CUBN: variants seen among roughly 807,000 people sequenced by gnomAD.
CUBN encodes the protein 460 kDa receptor.
In CUBN, 282 loss-of-function variants were observed where a neutral mutation model predicts 405.3. The observed-to-expected ratio is 0.70, with a 90% CI of 0.63 to 0.77. The LOEUF (loss-of-function observed/expected upper bound fraction) is 0.77. Ranked by LOEUF, CUBN falls within the 30% of genes least tolerant of loss-of-function variation. The pLI is 0.00. For missense variants in CUBN, 4,514 were observed against 4,475.2 expected (o/e 1.01, Z -0.25); for synonymous variants, 1,684 against 1,617.0 (o/e 1.04, Z -0.99).
chr10:17,056,374 G>A (rs904488422), intron 22 of CUBN, among the ~76,000 whole-genome samples: 2 of 152,112 alleles, frequency 1.3e-5, no homozygotes, highest in East Asian at 3.8e-4. Flanking sequence ...ACTTTGGGAA[G>A]ACGAGGCGGG....
chr10:17,090,432 A>C (rs1836229706), intron 14 of CUBN, among the ~76,000 whole-genome samples: 1 of 152,086 alleles, frequency 6.6e-6, no homozygotes. Flanking sequence ...GACCTCTCAT[A>C]ATCTACCATG....
intron 27 of CUBN, among the ~76,000 whole-genome samples, chr10:17,028,592 G>T (rs1001876169): frequency 6.6e-6 from 1 of 151,746 alleles, no homozygotes; most frequent in African/African-American, 2.4e-5. Flanking sequence ...GTGGTGGTGG[G>T]CGCATGTAAT....
intron 28 of CUBN, among the ~76,000 whole-genome samples, chr10:17,008,461 T>C (rs1005961650): frequency 2.6e-4 from 38 of 147,632 alleles, no homozygotes; most frequent in Middle Eastern, 3.5e-3. Context: ...TGTGTGTGTG[T>C]GTGCGCGCTT....
At chr10:17,053,836 T>C (rs1314065707) in intron 22 of CUBN, among the ~76,000 whole-genome samples, 1 of 152,118 alleles carries the variant, frequency 6.6e-6, no homozygotes, top group Non-Finnish European at 1.5e-5. Flanking sequence ...CAATTCTCCA[T>C]AAATTTTAAA....
chr10:16,829,298 C>A (rs1057264446), intron 65 of CUBN, among the ~76,000 whole-genome samples: 1 of 150,056 alleles, frequency 6.7e-6, no homozygotes, highest in South Asian at 2.1e-4. Context: ...GGGATAACTT[C>A]CTCCAGGACT....
At chr10:17,080,410 A>G (rs1835942218) in intron 17 of CUBN, among the ~76,000 whole-genome samples, 1 of 152,168 alleles carries the variant, frequency 6.6e-6, no homozygotes, top group South Asian at 2.1e-4. Flanking sequence ...ATTCAATGTA[A>G]ATTACTCCTT....
intron 40 of CUBN, among the ~76,000 whole-genome samples, chr10:16,928,801 G>A (rs1842284328): frequency 6.6e-6 from 1 of 151,962 alleles, no homozygotes. Flanking sequence ...AAAGTGCTGG[G>A]TTCTTTACCC....
chr10:17,036,847 C>G (rs1441111805), intron 27 of CUBN, among the ~76,000 whole-genome samples: 1 of 152,154 alleles, frequency 6.6e-6, no homozygotes, highest in African/African-American at 2.4e-5. Flanking sequence ...TTGGGGGCAG[C>G]AGGAACACTT....
At chr10:16,987,803 A>T (rs993433565) in intron 29 of CUBN, among the ~76,000 whole-genome samples, 4 of 152,206 alleles carry the variant, frequency 2.6e-5, no homozygotes, top group African/African-American at 9.6e-5. Flanking sequence ...CCAAATGAAC[A>T]TTTGCAGAAA....
intron 28 of CUBN, among the ~76,000 whole-genome samples, chr10:16,994,186 A>G (rs757860101): frequency 6.6e-6 from 1 of 152,184 alleles, no homozygotes; most frequent in South Asian, 2.1e-4. Context: ...AATTCCATTT[A>G]TTTATTCCTT....
intron 31 of CUBN, among the ~76,000 whole-genome samples, chr10:16,961,827 T>C (rs1843231270): frequency 6.8e-6 from 1 of 146,662 alleles, no homozygotes; most frequent in South Asian, 2.3e-4. Flanking sequence ...TTCTCCTGCC[T>C]CAGCCTCCTG....
chr10:17,102,566 C>T lies in CUBN; in HGVS notation c.1530+559G>A, dbSNP rs569413584. On this transcript the variant is annotated intron_variant, in intron 13 of 66. Transcript: ENST00000377833. ...CCTCATAAAGTACTAGGATCACAGGCGTGAGCCACCAGGCCTGGCCTTGTT... is the reference window on the plus strand; with the variant it reads ...CCTCATAAAGTACTAGGATCACAGGTGTGAGCCACCAGGCCTGGCCTTGTT... Among the ~76,000 whole-genome samples, 26 of 145,258 alleles carry T rather than the reference C, an allele frequency of 1.8e-4. No individual in the cohort carries two copies. In the East Asian group the frequency reaches 2.2e-3, roughly 12 times the overall value.
intron 53 of CUBN, among the ~76,000 whole-genome samples, chr10:16,899,535 A>G (rs1267350142): frequency 6.6e-6 from 1 of 152,152 alleles, no homozygotes; most frequent in Non-Finnish European, 1.5e-5. Flanking sequence ...TAAGTTCTGT[A>G]TTTTATTACC....
chr10:17,077,445 G>A (rs188627708), intron 17 of CUBN, among the ~76,000 whole-genome samples: 2 of 152,298 alleles, frequency 1.3e-5, no homozygotes, highest in East Asian at 3.9e-4. Flanking sequence ...TCTGGAATGA[G>A]TCAAGTCCCA....
intron 63 of CUBN, among the ~76,000 whole-genome samples, chr10:16,835,612 CT>C (rs55897455): frequency 7.9e-4 from 115 of 146,372 alleles, no homozygotes; most frequent in Admixed American, 1.7e-3. Flanking sequence ...CGTTATTTAC[CT>C]TTTTTTTTTT....
chr10:17,085,006 T>G (rs2131864599), intron 16 of CUBN, among the ~76,000 whole-genome samples: 1 of 152,262 alleles, frequency 6.6e-6, no homozygotes, highest in Middle Eastern at 3.4e-3. Flanking sequence ...AAAAGGTACT[T>G]TTTCTGAGAA....
chr10:17,038,181 T>C (rs1017626728), intron 27 of CUBN, among the ~76,000 whole-genome samples: 1 of 152,226 alleles, frequency 6.6e-6, no homozygotes, highest in Non-Finnish European at 1.5e-5. Context: ...TACCCTGGGC[T>C]TCCTATACAT....
intron 14 of CUBN, among the ~76,000 whole-genome samples, chr10:17,094,115 G>A (rs941412364): frequency 2.6e-5 from 4 of 151,904 alleles, no homozygotes; most frequent in African/African-American, 4.8e-5. Context: ...ATCTAGATAC[G>A]CCATAATCAA....
intron 38 of CUBN, among the ~76,000 whole-genome samples, 188 bp downstream of exon 38, chr10:16,938,775 G>A (rs1052965011): frequency 1.3e-5 from 2 of 152,020 alleles, no homozygotes; most frequent in Non-Finnish European, 2.9e-5. Flanking sequence ...ATATGAAATG[G>A]AAAATAATAA....
Sources: allele counts gnomAD v4.1 joint callset (sites outside exome capture counted in the v4.1 genomes callset), GRCh38; gene constraint gnomAD v4.1.1; transcripts MANE v1.5; gene names NCBI Gene and HGNC (gene_info 2026-07-23, HGNC 2026-07-21).